Variants in GNAI3 observed in about 807,000 individuals in gnomAD.
GNAI3 encodes G protein subunit alpha i3.
A neutral mutation model predicts 41.8 loss-of-function variants in GNAI3; 12 were observed. The observed-to-expected ratio is 0.29, with a 90% confidence interval of 0.18 to 0.47. The LOEUF (loss-of-function observed/expected upper bound fraction) is 0.47. GNAI3 is among the 20% of genes least tolerant of loss of function. The probability of loss-of-function intolerance (pLI) is 1.00; values close to 1 mark genes in which losing one functional copy is unlikely to be tolerated. For synonymous variants in GNAI3, 132 were observed against 146.5 expected (o/e 0.90, Z 0.71); for missense variants, 360 against 429.6 (o/e 0.84, Z 1.43).
chr1:109,585,482 G>T (rs1267200114), intron 5 of GNAI3, among the ~76,000 whole-genome samples: 1 of 152,124 alleles, frequency 6.6e-6, no homozygotes, highest in Non-Finnish European at 1.5e-5. Flanking sequence ...TGGGTTCATA[G>T]AATCCTACCA....
intron 7 of GNAI3, among the ~76,000 whole-genome samples, chr1:109,588,107 G>A (rs1003537117): frequency 3.4e-4 from 52 of 152,200 alleles, no homozygotes; most frequent in Admixed American, 3.2e-3. Flanking sequence ...TAGGCTGGGC[G>A]CGGTGGCTCA....
intron 5 of GNAI3, among the ~76,000 whole-genome samples, chr1:109,583,014 A>G (rs1648933313): frequency 6.6e-6 from 1 of 152,068 alleles, no homozygotes; most frequent in South Asian, 2.1e-4. Context: ...CACCAGTGTC[A>G]CTTCTTATTG....
At chr1:109,554,392 A>T (rs1319924669) in intron 1 of GNAI3, among the ~76,000 whole-genome samples, 1 of 148,836 alleles carries the variant, frequency 6.7e-6, no homozygotes, top group Non-Finnish European at 1.5e-5. Context: ...ACCAACATCT[A>T]TTTTTTTTTT....
chr1:109,567,161 C>T (rs368180559), intron 1 of GNAI3, among the ~76,000 whole-genome samples: 3 of 152,044 alleles, frequency 2.0e-5, no homozygotes, highest in Admixed American at 6.5e-5. Context: ...AATGGGGGCC[C>T]GTAGAAGAGA....
chr1:109,585,078 T>G (rs965359950), intron 5 of GNAI3, among the ~76,000 whole-genome samples: 6 of 152,256 alleles, frequency 3.9e-5, no homozygotes, highest in Non-Finnish European at 7.3e-5. Context: ...TTTCTTTCAA[T>G]TTCTGGGGGA....
At chr1:109,571,991 C>T (rs1018704482) in intron 1 of GNAI3, among the ~76,000 whole-genome samples, 1 of 151,888 alleles carries the variant, frequency 6.6e-6, no homozygotes, top group African/African-American at 2.4e-5. Flanking sequence ...AGGAGGGACC[C>T]CTGAAGCAAT....
rs977166977 is a variant in GNAI3 at position 109,598,869 on chromosome 1, T to C, written c.*6547T>C. On this transcript the variant is annotated 3_prime_UTR_variant, in exon 9 of 9. Coordinates refer to ENST00000369851, the MANE Select transcript of GNAI3 (RefSeq NM_006496.4). Reference sequence around the variant, plus strand: ...TGCAGTCCCTGGCCCAACACCGAAATCCTTCTGGAATCTGTGCTCTGGGGG... The same window carrying C: ...TGCAGTCCCTGGCCCAACACCGAAACCCTTCTGGAATCTGTGCTCTGGGGG... 1 of 533,810 alleles carries C rather than the reference T, an allele frequency of 1.9e-6. No homozygotes were observed. Among genetic ancestry groups the C allele is most frequent in the East Asian group, 5.4e-5 (1 of 18,350 alleles). 33.1% of individuals were successfully genotyped at this position (533,810 alleles called of 1,614,324 possible).
chr1:109,562,386 T>TAG (rs1458483345), intron 1 of GNAI3, among the ~76,000 whole-genome samples: 1 of 152,112 alleles, frequency 6.6e-6, no homozygotes, highest in Non-Finnish European at 1.5e-5. Flanking sequence ...TTTGGTATCC[T>TAG]AGGGGGGGTC....
chr1:109,598,832 C>G lies in GNAI3; in HGVS notation c.*6510C>G. 1.9e-6 allele frequency: 1 copy of G among 525,386 alleles called. No individual in the cohort carries two copies. The highest frequency in any genetic ancestry group is 1.4e-5 in the South Asian group (1 of 71,270). The allele number at this position is 525,386 out of a possible 1,614,324, so 32.5% of individuals were successfully genotyped here. A position where few individuals can be genotyped will look rare whatever the true frequency, so the allele number is the denominator to read the frequency against. Reference sequence around the variant, plus strand: ...TTTTACCTAGCAGGACCACCAGAGGCTCTGTCACACTTGCAGTCCCTGGCC... The same window carrying G: ...TTTTACCTAGCAGGACCACCAGAGGGTCTGTCACACTTGCAGTCCCTGGCC... On this transcript the variant is annotated 3_prime_UTR_variant, in exon 9 of 9. Transcript: ENST00000369851.
intron 1 of GNAI3, among the ~76,000 whole-genome samples, chr1:109,562,347 T>A (rs1031928420): frequency 9.9e-5 from 15 of 152,196 alleles, no homozygotes; most frequent in African/African-American, 3.6e-4. Flanking sequence ...CTACACCATT[T>A]TATGTAAGGG....
intron 3 of GNAI3, among the ~76,000 whole-genome samples, chr1:109,574,987 G>T (rs1197609315): frequency 1.3e-5 from 2 of 152,206 alleles, no homozygotes. Context: ...TACTGAAAGG[G>T]TAGTCACAGT....
chr1:109,588,883 CTCCA>C (rs1212542355), intron 7 of GNAI3, among the ~76,000 whole-genome samples: 3 of 149,112 alleles, frequency 2.0e-5, no homozygotes, highest in Admixed American at 6.6e-5. Flanking sequence ...CAGAGTGAGA[CTCCA>C]TCAATCAATC....
At chr1:109,554,790 T>A (rs1163575975) in intron 1 of GNAI3, among the ~76,000 whole-genome samples, 2 of 152,198 alleles carry the variant, frequency 1.3e-5, no homozygotes, top group Non-Finnish European at 2.9e-5. Flanking sequence ...CCTAAGCCAA[T>A]GGCTAGAAGG....
chr1:109,548,622 A>T lies in GNAI3; in HGVS notation c.-99A>T. 4 of 755,378 alleles carry T rather than the reference A, an allele frequency of 5.3e-6. No individual in the cohort carries two copies. The South Asian group carries it at 6.6e-5, about 13-fold the overall frequency. The allele number at this position is 755,378 out of a possible 1,614,324, so 46.8% of individuals were successfully genotyped here. On this transcript the variant is annotated 5_prime_UTR_variant, in exon 1 of 9. Coordinates refer to ENST00000369851, the MANE Select transcript of GNAI3 (RefSeq NM_006496.4). ...CTGGGCGCTAAGGGAGCTGACGGAG[A>T]GGGCCACCGCCCAGCAATAGACGGT...
At position 109,599,270 on chromosome 1, in the gene GNAI3, T is replaced by A. The variant is rs950263366; in HGVS notation, c.*6948T>A. On this transcript the variant is annotated 3_prime_UTR_variant, in exon 9 of 9. Coordinates refer to ENST00000369851, the MANE Select transcript of GNAI3 (RefSeq NM_006496.4). Reference sequence around the variant, plus strand: ...AGCATATATAACAAAATTTGCCATCTTAAGTGTACAGTTCAGTGGCATTAA... The same window carrying A: ...AGCATATATAACAAAATTTGCCATCATAAGTGTACAGTTCAGTGGCATTAA... 3.0e-4 allele frequency: 59 copies of A among 195,776 alleles called. No individual in the cohort carries two copies. Among genetic ancestry groups the A allele is most frequent in the Admixed American group, 6.6e-4 (12 of 18,320 alleles). The allele number at this position is 195,776 out of a possible 1,614,324, so 12.1% of individuals were successfully genotyped here.
chr1:109,553,834 A>G (rs1431974190), intron 1 of GNAI3, among the ~76,000 whole-genome samples: 1 of 152,146 alleles, frequency 6.6e-6, no homozygotes, highest in Non-Finnish European at 1.5e-5. Context: ...TACCCAATGT[A>G]TAGTCCTTTA....
At chr1:109,559,111 G>A (rs1648239823) in intron 1 of GNAI3, among the ~76,000 whole-genome samples, 1 of 152,066 alleles carries the variant, frequency 6.6e-6, no homozygotes, top group Non-Finnish European at 1.5e-5. Context: ...CCAGGAGGCA[G>A]AGGTTGCAGC....
chr1:109,564,645 T>A (rs1197147517), intron 1 of GNAI3, among the ~76,000 whole-genome samples: 1 of 152,170 alleles, frequency 6.6e-6, no homozygotes, highest in African/African-American at 2.4e-5. Flanking sequence ...TAGAGCTAGG[T>A]CACATAGGCC....
In GNAI3 at chr1:109,592,071, C is replaced by T. The variant is rs552742065; in HGVS notation, c.903C>T (p.Ala301=). 14 of 1,612,098 alleles carry T rather than the reference C, an allele frequency of 8.7e-6. No homozygotes were observed. In the East Asian group the frequency reaches 2.9e-4, roughly 33 times the overall value. The change falls in exon 8 of 9, where the codon GCC becomes GCT. Residue 301 remains alanine (A), a synonymous_variant. Transcript: ENST00000369851. ...CCAATACATATGAAGAGGCAGCTGC[C>T]TATATTCAATGCCAGTTTGAAGATC... ...TGSNTYEEAA[A]YIQCQFEDLN...
Sources: allele counts gnomAD v4.1 joint callset (sites outside exome capture counted in the v4.1 genomes callset), GRCh38; gene constraint gnomAD v4.1.1; transcripts MANE v1.5; gene names NCBI Gene and HGNC (gene_info 2026-07-23, HGNC 2026-07-21).